The following STK24 variants were observed in gnomAD, a reference collection of about 807,000 sequenced individuals.
STK24 encodes serine/threonine kinase 24, also known as serine/threonine-protein kinase 24.
Under a neutral mutation model 55.6 loss-of-function variants are expected in STK24, and 21 were observed. That is an observed-to-expected ratio of 0.38 (90% confidence interval 0.27 to 0.54). The LOEUF (loss-of-function observed/expected upper bound fraction) is 0.54. Among genes scored for constraint, STK24 ranks in the 20% least tolerant of loss-of-function variants. The pLI is 0.79. For missense variants in STK24, 383 were observed against 538.4 expected (o/e 0.71, Z 2.86); for synonymous variants, 200 against 215.2 (o/e 0.93, Z 0.62).
intron 1 of STK24, among the ~76,000 whole-genome samples, chr13:98,572,557 A>G (rs185225698): frequency 6.6e-6 from 1 of 152,232 alleles, no homozygotes; most frequent in East Asian, 1.9e-4. Context: ...AGGCTTCCCT[A>G]GGGTGGAGCA....
intron 8 of STK24, 92 bp from the exon 9 acceptor site, chr13:98,460,532 C>T: frequency 9.7e-7 from 1 of 1,035,286 alleles, no homozygotes; most frequent in African/African-American, 1.6e-5. Context: ...TATGGAAGCG[C>T]AGGAGTTGCC....
intron 2 of STK24, among the ~76,000 whole-genome samples, chr13:98,496,200 T>C (rs1895246795): frequency 6.6e-6 from 1 of 152,004 alleles, no homozygotes; most frequent in Non-Finnish European, 1.5e-5. Flanking sequence ...TGTCAAGAGG[T>C]GGCAAGCATG....
At position 98,519,354 on chromosome 13, in the gene STK24, G is replaced by T; in HGVS notation, c.162C>A (p.Ile54=). 1 of 1,614,148 alleles carries T rather than the reference G, an allele frequency of 6.2e-7. No individual in the cohort carries two copies. Among genetic ancestry groups the T allele is most frequent in the Non-Finnish European group, 8.5e-7 (1 of 1,180,032 alleles). Residue 54 remains isoleucine (I), a synonymous_variant, in exon 2 of 11, where the codon ATC becomes ATA. Transcript: ENST00000539966. ...NRTQKVVAIK[I]IDLEEAEDEI... ...CATCTTCAGCTTCTTCCAGATCAATGATCTTTATGGCAACCACTTTCTGAG... is the reference window on the plus strand; with the variant it reads ...CATCTTCAGCTTCTTCCAGATCAATTATCTTTATGGCAACCACTTTCTGAG...
chr13:98,537,146 C>T (rs1896759121), intron 1 of STK24, among the ~76,000 whole-genome samples: 1 of 152,352 alleles, frequency 6.6e-6, no homozygotes, highest in African/African-American at 2.4e-5. Context: ...CACTGTGACC[C>T]CCTCAAGACC....
At chr13:98,517,175 T>A (rs955598592) in intron 2 of STK24, among the ~76,000 whole-genome samples, 1 of 152,228 alleles carries the variant, frequency 6.6e-6, no homozygotes, top group African/African-American at 2.4e-5. Flanking sequence ...AAAACCATCA[T>A]AATAATTCAT....
Position 98,495,475 on chromosome 13 carries a change from C to T in STK24, c.274-13154G>A, listed in dbSNP as rs1895216263. On this transcript the variant is annotated intron_variant, in intron 2 of 10. Coordinates refer to ENST00000539966, the MANE Select transcript of STK24 (RefSeq NM_001032296.4). ...TTGAGACAAAAAGAACTAAAAATGC[C>T]ATTAATACTTATTTTAAATTATAGG... Among the ~76,000 whole-genome samples, 3 of 152,136 alleles carry T rather than the reference C, an allele frequency of 2.0e-5. No homozygotes were observed. The South Asian group carries it at 6.2e-4, about 31-fold the overall frequency.
intron 2 of STK24, among the ~76,000 whole-genome samples, chr13:98,497,387 A>T (rs535509326): frequency 3.5e-4 from 53 of 152,340 alleles, no homozygotes; most frequent in Non-Finnish European, 5.3e-4. Context: ...TTTATAAGGC[A>T]CATTTCTTTT....
chr13:98,504,604 C>G (rs370031622), intron 2 of STK24, among the ~76,000 whole-genome samples: 3 of 152,294 alleles, frequency 2.0e-5, no homozygotes. Context: ...ATGAAGCCTA[C>G]TGTGTGGTGA....
chr13:98,476,850 G>A (rs1029205482), intron 3 of STK24, among the ~76,000 whole-genome samples: 5 of 152,234 alleles, frequency 3.3e-5, no homozygotes, highest in Non-Finnish European at 5.9e-5. Flanking sequence ...CACTGGCCTC[G>A]CTGGGACTCT....
intron 2 of STK24, among the ~76,000 whole-genome samples, chr13:98,498,950 C>T (rs1306362433): frequency 6.6e-6 from 1 of 151,672 alleles, no homozygotes; most frequent in African/African-American, 2.4e-5. Context: ...CTCAACGGTT[C>T]CTTTGAAAAC....
chr13:98,535,303 C>T (rs1397270612), intron 1 of STK24, among the ~76,000 whole-genome samples: 1 of 141,920 alleles, frequency 7.0e-6, no homozygotes, highest in Non-Finnish European at 1.6e-5. Flanking sequence ...CGCCATTGCA[C>T]TCCAGCCTGG....
At chr13:98,491,833 G>C (rs1163532611) in intron 2 of STK24, among the ~76,000 whole-genome samples, 2 of 151,932 alleles carry the variant, frequency 1.3e-5, no homozygotes, top group Non-Finnish European at 2.9e-5. Flanking sequence ...ATAACTTCCA[G>C]TTACTATAAC....
At chr13:98,516,374 T>C (rs982347192) in intron 2 of STK24, among the ~76,000 whole-genome samples, 2 of 152,198 alleles carry the variant, frequency 1.3e-5, no homozygotes, top group African/African-American at 4.8e-5. Context: ...GTATCAACAC[T>C]TTTCAACCTG....
At chr13:98,536,833 G>A (rs551693325) in intron 1 of STK24, among the ~76,000 whole-genome samples, 4 of 151,788 alleles carry the variant, frequency 2.6e-5, no homozygotes, top group East Asian at 3.9e-4. Context: ...ACACTCCTCC[G>A]CCTGTCCTCC....
intron 1 of STK24, among the ~76,000 whole-genome samples, chr13:98,528,666 T>C (rs1447623182): frequency 2.0e-5 from 3 of 152,216 alleles, no homozygotes; most frequent in Non-Finnish European, 1.5e-5. Flanking sequence ...GTCATCATCT[T>C]CTTTTGATCA....
chr13:98,477,543 C>G (rs533242543), intron 3 of STK24, among the ~76,000 whole-genome samples: 1 of 152,156 alleles, frequency 6.6e-6, no homozygotes, highest in East Asian at 1.9e-4. Context: ...GGCATGATGG[C>G]ACATGCTTGT....
intron 2 of STK24, among the ~76,000 whole-genome samples, chr13:98,503,120 C>T (rs1895551981): frequency 6.9e-6 from 1 of 144,654 alleles, no homozygotes; most frequent in Non-Finnish European, 1.5e-5. Flanking sequence ...CAAACAAATA[C>T]AGTTTTCAAC....
intron 2 of STK24, among the ~76,000 whole-genome samples, chr13:98,508,490 TA>T (rs1249586144): frequency 1.3e-5 from 2 of 152,220 alleles, no homozygotes; most frequent in Non-Finnish European, 2.9e-5. Context: ...AATGCCAATT[TA>T]AATGCAACTT....
At chr13:98,568,499 A>C (rs1897647009) in intron 1 of STK24, among the ~76,000 whole-genome samples, 1 of 152,176 alleles carries the variant, frequency 6.6e-6, no homozygotes, top group Non-Finnish European at 1.5e-5. Context: ...TTATCTGCAA[A>C]GGAAGGAAAA....
Sources: gnomAD v4.1 joint callset for allele counts (sites outside exome capture counted in the v4.1 genomes callset) on GRCh38, gnomAD v4.1.1 for gene constraint, MANE v1.5 for transcripts, NCBI Gene and HGNC (gene_info 2026-07-23, HGNC 2026-07-21) for gene names.